The following ZNF676 variants were observed in gnomAD, a reference collection of about 807,000 sequenced individuals.
The protein encoded by ZNF676 is zinc finger protein 676.
In ZNF676, 4 loss-of-function variants were observed where a neutral mutation model predicts 6.0. That is an observed-to-expected ratio of 0.67 (90% confidence interval 0.33 to 1.53). The LOEUF is 1.53. ZNF676 is among the 40% of genes most tolerant of loss of function. The probability of loss-of-function intolerance (pLI) is 0.06; values close to 1 mark genes in which losing one functional copy is unlikely to be tolerated. For missense variants in ZNF676, 644 were observed against 679.7 expected, an observed-to-expected ratio of 0.95 and a Z score of 0.58; for synonymous variants, 198 against 223.1, an observed-to-expected ratio of 0.89 and a Z score of 1.00.
chr19:22,258,538 G>A, the ZNF676 span, among the ~76,000 whole-genome samples: 6 of 152,136 alleles, frequency 3.9e-5, no homozygotes, highest in Admixed American at 3.9e-4. Flanking sequence ...GAACTAGGCA[G>A]GAAAGGAGAG....
the ZNF676 span, among the ~76,000 whole-genome samples, chr19:22,229,390 A>G: frequency 6.6e-6 from 1 of 152,244 alleles, no homozygotes; most frequent in Non-Finnish European, 1.5e-5. Context: ...ACCCCAAACC[A>G]TAAAAACCCT....
the ZNF676 span, among the ~76,000 whole-genome samples, chr19:22,252,865 G>A: frequency 3.3e-5 from 5 of 152,316 alleles, no homozygotes; most frequent in African/African-American, 2.4e-5. Flanking sequence ...GCCCAGGCAG[G>A]AGCATAAAAT....
At chr19:22,247,595 C>A in the ZNF676 span, among the ~76,000 whole-genome samples, 1 of 150,760 alleles carries the variant, frequency 6.6e-6, no homozygotes, top group Non-Finnish European at 1.5e-5. Context: ...GGTTAGAGGC[C>A]CCTCTCAGTA....
At chr19:22,206,144 G>A (rs2024074561) in intron 1 of ZNF676, among the ~76,000 whole-genome samples, 1 of 151,242 alleles carries the variant, frequency 6.6e-6, no homozygotes, top group Non-Finnish European at 1.5e-5. Flanking sequence ...TTAGTAATAA[G>A]TAGCCTACCA....
chr19:22,247,327 G>A, the ZNF676 span, among the ~76,000 whole-genome samples: 1 of 152,060 alleles, frequency 6.6e-6, no homozygotes, highest in Admixed American at 6.6e-5. Context: ...ACTCTGGGAG[G>A]CTGAGGCAGG....
At chr19:22,241,946 G>T in the ZNF676 span, among the ~76,000 whole-genome samples, 1 of 151,502 alleles carries the variant, frequency 6.6e-6, no homozygotes, top group Non-Finnish European at 1.5e-5. Flanking sequence ...AATTGGTGGG[G>T]TGTGCACACA....
At chr19:22,228,384 C>A in the ZNF676 span, among the ~76,000 whole-genome samples, 1 of 152,136 alleles carries the variant, frequency 6.6e-6, no homozygotes, top group Admixed American at 6.5e-5. Context: ...TTATGACAGA[C>A]CACAGTTAAT....
chr19:22,220,478 T>TC (rs2024237415), upstream of ZNF676, among the ~76,000 whole-genome samples: 1 of 151,046 alleles, frequency 6.6e-6, no homozygotes. Context: ...TTTTTTTTTT[T>TC]CTTGAGTCTT....
intron 1 of ZNF676, among the ~76,000 whole-genome samples, chr19:22,209,608 G>A (rs2144816905): frequency 6.6e-6 from 1 of 152,170 alleles, no homozygotes; most frequent in Admixed American, 6.5e-5. Flanking sequence ...AATTTTAGCT[G>A]TATAACAAAG....
chr19:22,221,821 T>A, the ZNF676 span, among the ~76,000 whole-genome samples: 1 of 152,174 alleles, frequency 6.6e-6, no homozygotes, highest in African/African-American at 2.4e-5. Context: ...TATGTGCTGA[T>A]GAAAAGAATG....
intron 1 of ZNF676, among the ~76,000 whole-genome samples, chr19:22,214,615 A>T (rs1434592814): frequency 2.0e-5 from 3 of 151,576 alleles, no homozygotes; most frequent in Admixed American, 6.6e-5. Flanking sequence ...AAAAAAAAAA[A>T]AAATCTAATT....
At chr19:22,242,635 A>T in the ZNF676 span, among the ~76,000 whole-genome samples, 1 of 151,956 alleles carries the variant, frequency 6.6e-6, no homozygotes, top group Non-Finnish European at 1.5e-5. Context: ...TCTTGGACAG[A>T]TCCCAAGAGA....
At chr19:22,211,773 C>A (rs1167261644) in intron 1 of ZNF676, among the ~76,000 whole-genome samples, 1 of 152,136 alleles carries the variant, frequency 6.6e-6, no homozygotes, top group Non-Finnish European at 1.5e-5. Context: ...TGTAACTCAC[C>A]AATTATCTAC....
intron 2 of ZNF676, among the ~76,000 whole-genome samples, chr19:22,192,807 T>C (rs541879555): frequency 3.3e-5 from 5 of 152,126 alleles, no homozygotes; most frequent in Non-Finnish European, 5.9e-5. Flanking sequence ...TGAAGGAAAA[T>C]TACTTAAGGG....
chr19:22,229,179 G>A, the ZNF676 span, among the ~76,000 whole-genome samples: 6 of 152,074 alleles, frequency 3.9e-5, no homozygotes, highest in East Asian at 1.2e-3. Context: ...CAGAACAGAG[G>A]CCTCAGAAAT....
At chr19:22,214,025 T>C (rs1395971431) in intron 1 of ZNF676, among the ~76,000 whole-genome samples, 6 of 152,230 alleles carry the variant, frequency 3.9e-5, no homozygotes, top group African/African-American at 1.2e-4. Context: ...ATCAAATGCT[T>C]TGTCAAAAAA....
exon 1 of ZNF676, chr19:22,215,709 C>G (rs1203395311): frequency 1.3e-6 from 2 of 1,571,752 alleles, no homozygotes; most frequent in African/African-American, 2.7e-5. Context: ...GCCACAGAGG[C>G]TGGGACTCTA....
In ZNF676 at chr19:22,184,826, GAA is replaced by G. The variant is rs144833243; in HGVS notation, c.131-3242_131-3241del. Among the ~76,000 whole-genome samples, 326 of 52,648 alleles carry G rather than the reference GAA, an allele frequency of 6.2e-3. 4 individuals are homozygous for G. The highest frequency in any genetic ancestry group is 0.023 in the African/African-American group (288 of 12,538). 34.5% of individuals were successfully genotyped at this position (52,648 alleles called of 152,430 possible). On this transcript the variant is annotated intron_variant, in intron 2 of 2. Coordinates refer to ENST00000397121, the MANE Select transcript of ZNF676 (RefSeq NM_001001411.3). ...CCTCCTCTTTGGGCAGGGCATCTTTGAAAAAAAAAAAAAAAAAAAAAAAAAAG... is the reference window on the plus strand; with the variant it reads ...CCTCCTCTTTGGGCAGGGCATCTTTGAAAAAAAAAAAAAAAAAAAAAAAAG...
chr19:22,227,085 T>C, the ZNF676 span, among the ~76,000 whole-genome samples: 1 of 152,162 alleles, frequency 6.6e-6, no homozygotes, highest in East Asian at 1.9e-4. Context: ...ATCCCACTTA[T>C]TCTAAAATTG....
Sources: allele counts gnomAD v4.1 joint callset (sites outside exome capture counted in the v4.1 genomes callset), GRCh38; gene constraint gnomAD v4.1.1; transcripts MANE v1.5; gene names NCBI Gene and HGNC (gene_info 2026-07-23, HGNC 2026-07-21).